THNSL2: variants seen among roughly 807,000 people sequenced by gnomAD.
The protein encoded by THNSL2 is threonine synthase-like 2.
In THNSL2, 34 loss-of-function variants were observed where a neutral mutation model predicts 40.0. That is an observed-to-expected ratio of 0.85 (90% confidence interval 0.65 to 1.13). The LOEUF (loss-of-function observed/expected upper bound fraction) is 1.13. THNSL2 is among the 50% of genes most tolerant of loss of function. THNSL2 has a pLI of 0.00. For missense variants in THNSL2, 537 were observed against 608.8 expected (o/e 0.88, Z 1.24); for synonymous variants, 241 against 247.5 (o/e 0.97, Z 0.25).
At chr2:88,181,036 G>C (rs1455271528) in intron 5 of THNSL2, among the ~76,000 whole-genome samples, 1 of 151,824 alleles carries the variant, frequency 6.6e-6, no homozygotes, top group East Asian at 2.0e-4. Context: ...GCAGGGGGTT[G>C]ACACATAAAA....
intron 5 of THNSL2, among the ~76,000 whole-genome samples, chr2:88,180,887 C>T (rs1018508105): frequency 6.6e-6 from 1 of 152,202 alleles, no homozygotes; most frequent in Admixed American, 6.5e-5. Flanking sequence ...GTGCTCCGGA[C>T]TTAGGCATAT....
At chr2:88,183,952 G>C (rs1246420960) in intron 7 of THNSL2, 2 of 152,132 alleles carry the variant, frequency 1.3e-5, no homozygotes, top group African/African-American at 4.8e-5. Flanking sequence ...TCTCCTTCTA[G>C]CTTACACAGT....
rs557802494 is a variant in THNSL2 at position 88,173,747 on chromosome 2, T to TTTTTTGAATAAA, written c.223+383_223+384insAAATTTTTGAAT. ...CCCAGACCCCCAAATTGCTATTTTA[T>TTTTTTGAATAAA]TTTTTGAATGTTAATTCCAGAAAGG... On this transcript the variant is annotated intron_variant, in intron 2 of 8. Coordinates refer to ENST00000674334, the MANE Select transcript of THNSL2 (RefSeq NM_018271.5). 2.6e-3 allele frequency among the ~76,000 whole-genome samples: 403 copies of TTTTTTGAATAAA among 152,354 alleles called. 1 individual carries two copies. The highest frequency in any genetic ancestry group is 5.2e-3 in the Non-Finnish European group (354 of 68,028).
chr2:88,171,177 A>G (rs747382811), intron 1 of THNSL2: 19 of 413,662 alleles, frequency 4.6e-5, no homozygotes, highest in Non-Finnish European at 7.5e-5. Context: ...TGTGGTTGCT[A>G]TTTCCGCCTC....
At chr2:88,174,575 C>A in intron 2 of THNSL2, 64 bp from the exon 3 acceptor site, 1 of 1,536,554 alleles carries the variant, frequency 6.5e-7, no homozygotes, top group Non-Finnish European at 8.9e-7. Context: ...TATTCAGAGA[C>A]TGAGAGGGAA....
chr2:88,186,332 G>A lies in THNSL2; in HGVS notation c.*209G>A, dbSNP rs566550840. The A allele has an allele frequency of 7.6e-5, 45 of 595,424 alleles. 1 individual carries two copies. Among genetic ancestry groups the A allele is most frequent in the South Asian group, 6.0e-4 (30 of 50,228 alleles). The allele number at this position is 595,424 out of a possible 1,614,324, so 36.9% of individuals were successfully genotyped here. ...GAGTGAGGGGCTGTGAACAGTTGCC[G>A]GAAGCACCCCCTCCCTCCCCGGCCC... On this transcript the variant is annotated 3_prime_UTR_variant, in exon 9 of 9. Transcript: ENST00000674334.
Position 88,173,221 on chromosome 2 carries a change from C to T in THNSL2, c.71C>T (p.Ala24Val). 1 of 1,610,524 alleles carries T rather than the reference C, an allele frequency of 6.2e-7. No individual in the cohort carries two copies. Among genetic ancestry groups the T allele is most frequent in the Non-Finnish European group, 8.5e-7 (1 of 1,178,904 alleles). ...NFEGALFSGY[A>V]PDGGLFMPEE... ...GAGGGGGCCCTCTTCTCTGGCTATG[C>T]ACCTGACGGGGGCCTCTTTATGCCT... is the stretch of plus-strand genomic sequence containing the variant. Residue 24 changes from alanine to valine, a missense_variant, in exon 2 of 9, where the codon GCA (alanine) becomes GTA (valine). By Grantham distance (64) the Ala-to-Val change is moderately conservative. Coordinates refer to ENST00000674334, the MANE Select transcript of THNSL2 (RefSeq NM_018271.5).
At chr2:88,173,728 C>T (rs572909600) in intron 2 of THNSL2, among the ~76,000 whole-genome samples, 1 of 151,858 alleles carries the variant, frequency 6.6e-6, no homozygotes, top group Non-Finnish European at 1.5e-5. Context: ...AGCACCCAGA[C>T]CCCCAAATTG....
intron 5 of THNSL2, 89 bp from the exon 6 acceptor site, chr2:88,182,610 G>A (rs949998593): frequency 6.5e-6 from 9 of 1,391,928 alleles, no homozygotes; most frequent in African/African-American, 1.4e-5. Context: ...AAGCACAAAA[G>A]TTTCTTAATT....
intron 5 of THNSL2, among the ~76,000 whole-genome samples, chr2:88,181,573 CTGTG>C (rs138449577): frequency 5.8e-5 from 7 of 119,750 alleles, no homozygotes; most frequent in East Asian, 2.7e-4. Context: ...CTCTCTCTTG[CTGTG>C]TGTGTGTGTG....
At chr2:88,177,299 G>A (rs909336161) in intron 4 of THNSL2, among the ~76,000 whole-genome samples, 12 of 152,170 alleles carry the variant, frequency 7.9e-5, no homozygotes, top group African/African-American at 2.4e-5. Context: ...ATGTGTGTTA[G>A]TTCAGGATAT....
Position 88,186,348 on chromosome 2 carries a change from T to G in THNSL2, c.*225T>G. ...ACAGTTGCCGGAAGCACCCCCTCCC[T>G]CCCCGGCCCGTGCAGCAGTGTCTGA... On this transcript the variant is annotated 3_prime_UTR_variant, in exon 9 of 9. Coordinates refer to ENST00000674334, the MANE Select transcript of THNSL2 (RefSeq NM_018271.5). 1 of 570,702 alleles carries G rather than the reference T, an allele frequency of 1.8e-6. No individual in the cohort carries two copies. 35.4% of individuals were successfully genotyped at this position (570,702 alleles called of 1,614,324 possible). A position where few individuals can be genotyped will look rare whatever the true frequency, so the allele number is the denominator to read the frequency against.
chr2:88,182,642 T>C, intron 5 of THNSL2, 57 bp from the exon 6 acceptor site: 1 of 1,465,228 alleles, frequency 6.8e-7, no homozygotes, highest in Non-Finnish European at 9.1e-7. Flanking sequence ...CAATTTACTT[T>C]TTTCTTTTTG....
rs1676230416 is a variant in THNSL2 at position 88,170,414 on chromosome 2, T to TCGCGCCCGGCGCCC, written c.-48_-47insGGCGCCCCGCGCCC. ...GGGCAGCCCTGCTGCGCACCGGGCCTCGCGCCCCGCGCCCCGCGCCCCGCG... is the reference window on the plus strand; with the variant it reads ...GGGCAGCCCTGCTGCGCACCGGGCCTCGCGCCCGGCGCCCCGCGCCCCGCGCCCCGCGCCCCGCG... On this transcript the variant is annotated 5_prime_UTR_variant, in exon 1 of 9. Coordinates refer to ENST00000674334, the MANE Select transcript of THNSL2 (RefSeq NM_018271.5). The TCGCGCCCGGCGCCC allele has an allele frequency of 6.7e-6, 1 of 149,054 alleles. No homozygotes were observed. Among genetic ancestry groups the TCGCGCCCGGCGCCC allele is most frequent in the South Asian group, 1.9e-4 (1 of 5,332 alleles). 9.2% of individuals were successfully genotyped at this position (149,054 alleles called of 1,614,324 possible). A position where few individuals can be genotyped will look rare whatever the true frequency, so the allele number is the denominator to read the frequency against.
rs1286434400 is a variant in THNSL2 at position 88,185,972 on chromosome 2, C to T, written c.1304C>T (p.Pro435Leu). The T allele has an allele frequency of 2.5e-5, 41 of 1,613,000 alleles. No individual in the cohort carries two copies. The highest frequency in any genetic ancestry group is 3.4e-5 in the Non-Finnish European group (40 of 1,179,774). Residue 435 changes from proline to leucine, a missense_variant, in exon 9 of 9, where the codon CCT (proline) becomes CTT (leucine). Physicochemically the swap from Pro to Leu is moderately conservative, Grantham distance 98. Transcript: ENST00000674334. ...GCTGTCCTGGCTGCTGGCCTGACCC[C>T]TGAGACTCCCGCGGAGATCGTAGCC... Reference protein sequence around the residue: ...PEAVLAAGLTPETPAEIVALE... With the variant: ...PEAVLAAGLTLETPAEIVALE...
chr2:88,180,050 A>G (rs1368287296), intron 5 of THNSL2, among the ~76,000 whole-genome samples: 1 of 152,178 alleles, frequency 6.6e-6, no homozygotes, highest in Admixed American at 6.5e-5. Context: ...GCAAAGAGGG[A>G]TGGGCTTCTT....
intron 2 of THNSL2, 87 bp from the exon 3 acceptor site, chr2:88,174,552 G>A: frequency 7.0e-7 from 1 of 1,427,494 alleles, no homozygotes; most frequent in East Asian, 2.3e-5. Flanking sequence ...AGTAGCAGGA[G>A]TTGGAAACTT....
chr2:88,182,656 T>A, intron 5 of THNSL2, 43 bp from the exon 6 acceptor site: 1 of 1,470,710 alleles, frequency 6.8e-7, no homozygotes, highest in Non-Finnish European at 9.1e-7. Flanking sequence ...CTTTTTGCTT[T>A]TATTTCTAAA....
intron 7 of THNSL2, chr2:88,183,316 A>G (rs562565701): frequency 7.0e-6 from 3 of 430,914 alleles, no homozygotes; most frequent in South Asian, 1.1e-4. Context: ...CTAGTTTCCT[A>G]AACTCTGTGC....
Sources: allele counts gnomAD v4.1 joint callset (sites outside exome capture counted in the v4.1 genomes callset), GRCh38; gene constraint gnomAD v4.1.1; transcripts MANE v1.5; gene names NCBI Gene and HGNC (gene_info 2026-07-23, HGNC 2026-07-21).